The following STARD13 variants were observed in gnomAD, a reference collection of about 807,000 sequenced individuals.
STARD13 encodes the protein stAR-related lipid transfer protein 13.
Under a neutral mutation model 106.4 loss-of-function variants are expected in STARD13, and 62 were observed. That is an observed-to-expected ratio of 0.58 (90% CI 0.48 to 0.72). STARD13 has a LOEUF of 0.72. Ranked by LOEUF, STARD13 falls within the 30% of genes least tolerant of loss-of-function variation. The probability of loss-of-function intolerance (pLI) is 0.00; values close to 1 mark genes in which losing one functional copy is unlikely to be tolerated. For missense variants in STARD13, 1,387 were observed against 1,424.0 expected, an observed-to-expected ratio of 0.97 and a Z score of 0.42; for synonymous variants, 565 against 553.0, an observed-to-expected ratio of 1.02 and a Z score of -0.31.
the STARD13 span, among the ~76,000 whole-genome samples, chr13:33,640,166 C>G: frequency 4.6e-5 from 7 of 151,988 alleles, no homozygotes; most frequent in Admixed American, 2.6e-4. Context: ...ATTTCTGTGT[C>G]TTAGGCACCA....
the STARD13 span, among the ~76,000 whole-genome samples, chr13:33,607,807 C>T: frequency 0.016 from 2,398 of 152,000 alleles, 74 homozygotes; most frequent in African/African-American, 0.054. Flanking sequence ...AATAACTAAG[C>T]AACAAATAAT....
the STARD13 span, among the ~76,000 whole-genome samples, chr13:33,407,359 G>A: frequency 1.3e-5 from 2 of 152,286 alleles, no homozygotes; most frequent in Admixed American, 1.3e-4. Flanking sequence ...GATTGTGGCT[G>A]AATGAAACTG....
intron 5 of STARD13, 81 bp from the exon 6 acceptor site, chr13:33,127,627 G>T: frequency 7.3e-7 from 1 of 1,376,988 alleles, no homozygotes; most frequent in Non-Finnish European, 9.6e-7. Flanking sequence ...CAAGGTACAC[G>T]CAGCTAATCA....
chr13:33,581,078 T>G, the STARD13 span, among the ~76,000 whole-genome samples: 1 of 152,152 alleles, frequency 6.6e-6, no homozygotes, highest in African/African-American at 2.4e-5. Context: ...AAGAGAAAAT[T>G]TTCTGGACAA....
At chr13:33,485,131 T>C in the STARD13 span, among the ~76,000 whole-genome samples, 1 of 152,184 alleles carries the variant, frequency 6.6e-6, no homozygotes, top group Non-Finnish European at 1.5e-5. Flanking sequence ...TCTCTCAAAC[T>C]CCTACTTGGT....
At chr13:33,191,166 G>A (rs1886232710) in intron 1 of STARD13, among the ~76,000 whole-genome samples, 1 of 152,138 alleles carries the variant, frequency 6.6e-6, no homozygotes, top group Non-Finnish European at 1.5e-5. Context: ...TTTTCTTTGG[G>A]AAGCTTTTAT....
At chr13:33,143,779 C>T (rs1362019571) in intron 3 of STARD13, among the ~76,000 whole-genome samples, 1 of 152,058 alleles carries the variant, frequency 6.6e-6, no homozygotes, top group Non-Finnish European at 1.5e-5. Context: ...TCTCGATCTC[C>T]TGACCTCGTG....
At chr13:33,650,164 A>ATGTTTTTTTTTTTTTT in the STARD13 span, among the ~76,000 whole-genome samples, 11 of 48,374 alleles carry the variant, frequency 2.3e-4, no homozygotes, top group African/African-American at 5.7e-4. Flanking sequence ...CGTGACTCCA[A>ATGTTTTTTTTTTTTTT]TTTTTTTTTT....
At chr13:33,447,792 A>G in the STARD13 span, among the ~76,000 whole-genome samples, 1 of 152,188 alleles carries the variant, frequency 6.6e-6, no homozygotes, top group Non-Finnish European at 1.5e-5. Flanking sequence ...GGGAGTGTTA[A>G]TTAGCTCAAA....
the STARD13 span, among the ~76,000 whole-genome samples, chr13:33,453,327 T>A: frequency 2.6e-5 from 4 of 152,198 alleles, no homozygotes; most frequent in South Asian, 8.3e-4. Flanking sequence ...AGAGAATAAC[T>A]GGGTCACCAA....
At chr13:33,456,938 G>C in the STARD13 span, among the ~76,000 whole-genome samples, 2 of 152,208 alleles carry the variant, frequency 1.3e-5, no homozygotes, top group African/African-American at 4.8e-5. Flanking sequence ...GGTTCTCAAA[G>C]CCTAAAACAT....
At chr13:33,304,135 C>T (rs532993492) in intron 1 of STARD13, among the ~76,000 whole-genome samples, 9 of 152,368 alleles carry the variant, frequency 5.9e-5, no homozygotes, top group African/African-American at 9.6e-5. Flanking sequence ...TCACTGCAGA[C>T]ACACCACAGG....
chr13:33,660,082 G>T, the STARD13 span, among the ~76,000 whole-genome samples: 3 of 152,296 alleles, frequency 2.0e-5, no homozygotes, highest in Admixed American at 1.3e-4. Flanking sequence ...GGAGAGAAGA[G>T]GCCAGGTAGG....
the STARD13 span, among the ~76,000 whole-genome samples, chr13:33,560,079 C>T: frequency 4.6e-5 from 7 of 151,474 alleles, 1 homozygote; most frequent in African/African-American, 1.7e-4. Context: ...TTCAGATTTT[C>T]AGGTTCTGAG....
At chr13:33,236,260 C>T (rs576326293) in intron 1 of STARD13, among the ~76,000 whole-genome samples, 4 of 152,158 alleles carry the variant, frequency 2.6e-5, no homozygotes, top group Non-Finnish European at 5.9e-5. Context: ...AGGCATGATC[C>T]AAAATCTTTG....
At chr13:33,512,388 CAA>C in the STARD13 span, among the ~76,000 whole-genome samples, 1 of 152,090 alleles carries the variant, frequency 6.6e-6, no homozygotes, top group Non-Finnish European at 1.5e-5. Flanking sequence ...TAAAAGCTTT[CAA>C]GATTAAGAGT....
At chr13:33,455,031 T>C in the STARD13 span, among the ~76,000 whole-genome samples, 2 of 152,180 alleles carry the variant, frequency 1.3e-5, no homozygotes, top group African/African-American at 2.4e-5. Context: ...TTCAAAGATA[T>C]GTAAGTAAAG....
At position 33,185,408 on chromosome 13, in the gene STARD13, G is replaced by A. The variant is rs553149388; in HGVS notation, c.170-17786C>T. ...TTTTTAGGAGTGCTACCAACATCAT[G>A]CAAAGATAACTTCAGAGACAAAACC... On this transcript the variant is annotated intron_variant, in intron 1 of 13. Transcript: ENST00000336934. Among the ~76,000 whole-genome samples the A allele has an allele frequency of 5.9e-5, 9 of 152,350 alleles. No individual in the cohort carries two copies. The East Asian group carries it at 1.5e-3, about 26-fold the overall frequency.
At chr13:33,262,377 G>C (rs1404199283) in intron 1 of STARD13, among the ~76,000 whole-genome samples, 3 of 152,110 alleles carry the variant, frequency 2.0e-5, no homozygotes, top group African/African-American at 7.2e-5. Flanking sequence ...CCAGTGGGGG[G>C]ACCTCGCACA....
Sources: allele counts gnomAD v4.1 joint callset (sites outside exome capture counted in the v4.1 genomes callset), GRCh38; gene constraint gnomAD v4.1.1; transcripts MANE v1.5; gene names NCBI Gene and HGNC (gene_info 2026-07-23, HGNC 2026-07-21).